The following SLC6A11 variants were observed in gnomAD, a reference collection of about 807,000 sequenced individuals.
SLC6A11 encodes sodium- and chloride-dependent GABA transporter 3.
Under a neutral mutation model 74.8 loss-of-function variants are expected in SLC6A11, and 25 were observed. The observed-to-expected ratio is 0.33, with a 90% CI of 0.24 to 0.47. SLC6A11 has a LOEUF of 0.47. SLC6A11 is among the 20% of genes least tolerant of loss of function. SLC6A11 has a pLI of 1.00. For synonymous variants in SLC6A11, 330 were observed against 330.2 expected, an observed-to-expected ratio of 1.00 and a Z score of 0.01; for missense variants, 574 against 837.0, an observed-to-expected ratio of 0.69 and a Z score of 3.88.
chr3:10,913,727 T>G (rs559860237), intron 7 of SLC6A11, among the ~76,000 whole-genome samples: 1 of 152,180 alleles, frequency 6.6e-6, no homozygotes, highest in Non-Finnish European at 1.5e-5. Flanking sequence ...GGAGTCTCGC[T>G]CAGTCACCCA....
At chr3:10,819,276 A>G (rs1694104802) in intron 1 of SLC6A11, among the ~76,000 whole-genome samples, 189 bp from the exon 2 acceptor site, 1 of 152,186 alleles carries the variant, frequency 6.6e-6, no homozygotes, top group Non-Finnish European at 1.5e-5. Context: ...AGAAGTTGAG[A>G]CTTGGAGATG....
At chr3:10,823,206 A>T in intron 3 of SLC6A11, 96 bp from the exon 4 acceptor site, 2 of 848,022 alleles carry the variant, frequency 2.4e-6, no homozygotes, top group Non-Finnish European at 4.0e-6. Flanking sequence ...TGGGTAGATG[A>T]AAATGCCTAG....
intron 4 of SLC6A11, among the ~76,000 whole-genome samples, chr3:10,827,694 G>A (rs1320723673): frequency 6.6e-6 from 1 of 152,148 alleles, no homozygotes; most frequent in Non-Finnish European, 1.5e-5. Context: ...GTCTTATTTA[G>A]GGGAAGTAAA....
intron 3 of SLC6A11, among the ~76,000 whole-genome samples, chr3:10,822,356 G>T (rs1694149735): frequency 6.6e-6 from 1 of 152,202 alleles, no homozygotes; most frequent in East Asian, 1.9e-4. Flanking sequence ...AGGGACATGG[G>T]TCCCATGGTA....
At position 10,940,685 on chromosome 3, in the gene SLC6A11, A is replaced by G. The variant is rs1695814051; in HGVS notation, c.*2283A>G. 2.0e-5 allele frequency: 3 copies of G among 152,194 alleles called. No individual in the cohort carries two copies. The highest frequency in any genetic ancestry group is 2.9e-5 in the Non-Finnish European group (2 of 68,022). 9.4% of individuals were successfully genotyped at this position (152,194 alleles called of 1,614,324 possible). The stretch of plus-strand genomic sequence containing the variant: ...AGGGTGCAAGATTGTCTGCTTACTC[A>G]TTTTTAAAAATTAAAGAAATGAACA... On this transcript the variant is annotated 3_prime_UTR_variant, in exon 14 of 14. Coordinates refer to ENST00000254488, the MANE Select transcript of SLC6A11 (RefSeq NM_014229.3).
chr3:10,859,412 T>A (rs949581162), intron 5 of SLC6A11, among the ~76,000 whole-genome samples: 2 of 152,118 alleles, frequency 1.3e-5, no homozygotes, highest in Non-Finnish European at 2.9e-5. Context: ...GAGACCATTC[T>A]TTGAGGACCC....
chr3:10,828,856 T>C (rs1169648969), intron 4 of SLC6A11, among the ~76,000 whole-genome samples: 1 of 152,240 alleles, frequency 6.6e-6, no homozygotes, highest in Non-Finnish European at 1.5e-5. Flanking sequence ...GATTATTCTC[T>C]CTTTCTCCAT....
intron 6 of SLC6A11, among the ~76,000 whole-genome samples, chr3:10,899,419 A>G (rs1019567819): frequency 3.3e-5 from 5 of 152,318 alleles, no homozygotes; most frequent in Middle Eastern, 3.4e-3. Context: ...ATTGAGTAAT[A>G]TCTTCCTGCA....
chr3:10,845,305 C>T (rs932350450), intron 5 of SLC6A11, among the ~76,000 whole-genome samples: 1 of 152,150 alleles, frequency 6.6e-6, no homozygotes, highest in Non-Finnish European at 1.5e-5. Context: ...TGGCCACAGT[C>T]CCCACCATTC....
At position 10,915,929 on chromosome 3, in the gene SLC6A11, T is replaced by C. The variant is rs565286916; in HGVS notation, c.996-2400T>C. Among the ~76,000 whole-genome samples, 61 of 152,334 alleles carry C rather than the reference T, an allele frequency of 4.0e-4. No individual in the cohort carries two copies. The highest frequency in any genetic ancestry group is 6.3e-4 in the Non-Finnish European group (43 of 68,030). ...ATTTTTAGGGTGCATCATTTTTGTT[T>C]AGCTCCTAGCAAAAGCATGGGCTTT... On this transcript the variant is annotated intron_variant, in intron 7 of 13. Coordinates refer to ENST00000254488, the MANE Select transcript of SLC6A11 (RefSeq NM_014229.3). This position sits in a 1 kb window ranked among gnomAD's most constrained non-coding sequence, Gnocchi z 4.3.
At chr3:10,934,210 A>G (rs566767740) in intron 12 of SLC6A11, 44 bp downstream of exon 12, 2 of 1,342,650 alleles carry the variant, frequency 1.5e-6, no homozygotes, top group African/African-American at 1.4e-5. Flanking sequence ...CTACCCACCC[A>G]TCTACCCTCC....
chr3:10,937,816 A>G (rs1695776140), intron 13 of SLC6A11, among the ~76,000 whole-genome samples: 1 of 152,172 alleles, frequency 6.6e-6, no homozygotes, highest in Non-Finnish European at 1.5e-5. Flanking sequence ...TCCAAGGGGA[A>G]TGCACCCAGG....
At position 10,816,552 on chromosome 3, in the gene SLC6A11, G is replaced by T; in HGVS notation, c.256+31G>T. 1.3e-6 allele frequency: 2 copies of T among 1,537,558 alleles called. No homozygotes were observed. The highest frequency in any genetic ancestry group is 2.6e-5 in the East Asian group (1 of 38,736). ...GTGATAGTGAGGAGAAGGGGAGGGG[G>T]CGCCAACCGCCCGGTGGGGGCGGGG... On this transcript the variant is annotated intron_variant, in intron 1 of 13. Transcript: ENST00000254488. The surrounding 1 kb of genome is among the most constrained non-coding windows in gnomAD (Gnocchi z 4.2).
chr3:10,827,628 T>C (rs989066426), intron 4 of SLC6A11, among the ~76,000 whole-genome samples: 1 of 152,210 alleles, frequency 6.6e-6, no homozygotes, highest in East Asian at 1.9e-4. Context: ...TCTGCTATTA[T>C]AGTTCAATCA....
chr3:10,881,291 C>T (rs544660913), intron 6 of SLC6A11, among the ~76,000 whole-genome samples: 102 of 152,274 alleles, frequency 6.7e-4, no homozygotes, highest in African/African-American at 2.4e-3. Context: ...TGGCACACAC[C>T]TGTAATCCCA....
chr3:10,938,255 C>T lies in SLC6A11; in HGVS notation c.1752C>T (p.Leu584=). 1 of 1,591,502 alleles carries T rather than the reference C, an allele frequency of 6.3e-7. No homozygotes were observed. The highest frequency in any genetic ancestry group is 8.6e-7 in the Non-Finnish European group (1 of 1,164,262). ...CCTCCTCTCCAACCATCCAGAAACT[C>T]CAGAAGTTGACGACCCCCAGCACAG... ...WKTEGTLPEK[L]QKLTTPSTDL... The change falls in exon 14 of 14, where the codon CTC becomes CTT. Residue 584 remains leucine, a synonymous_variant. Coordinates refer to ENST00000254488, the MANE Select transcript of SLC6A11 (RefSeq NM_014229.3).
At chr3:10,820,016 C>T (rs952082579) in intron 3 of SLC6A11, among the ~76,000 whole-genome samples, 164 bp downstream of exon 3, 1 of 152,202 alleles carries the variant, frequency 6.6e-6, no homozygotes, top group Non-Finnish European at 1.5e-5. Context: ...TGTTCTGGTA[C>T]GTTCTGTGAG....
chr3:10,846,990 G>A (rs1694513119), intron 5 of SLC6A11, among the ~76,000 whole-genome samples: 1 of 152,222 alleles, frequency 6.6e-6, no homozygotes, highest in Admixed American at 6.5e-5. Context: ...TCTGGTAGAA[G>A]TGGTAGTGAT....
intron 10 of SLC6A11, among the ~76,000 whole-genome samples, chr3:10,930,164 T>A (rs1249734177): frequency 6.6e-6 from 1 of 152,214 alleles, no homozygotes; most frequent in Non-Finnish European, 1.5e-5. Flanking sequence ...CCTTGTTGCA[T>A]CTACTCATCC....
Sources: allele counts gnomAD v4.1 joint callset (sites outside exome capture counted in the v4.1 genomes callset), GRCh38; gene constraint gnomAD v4.1.1; non-coding constraint Gnocchi (gnomAD v3.1); transcripts MANE v1.5; gene names NCBI Gene and HGNC (gene_info 2026-07-23, HGNC 2026-07-21).